Variants in MSS51 observed in about 807,000 individuals in gnomAD.
The protein encoded by MSS51 is MSS51 mitochondrial translational activator.
A neutral mutation model predicts 40.2 loss-of-function variants in MSS51; 32 were observed. The observed-to-expected ratio is 0.80, with a 90% CI of 0.60 to 1.07. The LOEUF is 1.07. Among genes scored for constraint, MSS51 ranks in the 50% least tolerant of loss-of-function variants. The pLI is 0.00. For synonymous variants in MSS51, 178 were observed against 214.2 expected, an observed-to-expected ratio of 0.83 and a Z score of 1.48; for missense variants, 518 against 568.9, an observed-to-expected ratio of 0.91 and a Z score of 0.91.
In MSS51 at chr10:73,425,317, A is replaced by G. The variant is rs2055974442; in HGVS notation, c.1070-126T>C. On this transcript the variant is annotated intron_variant, in intron 5 of 6. Transcript: ENST00000299432. ...ATCCCCAGTCATTATCATCATCATC[A>G]TCATCCACTCTTCAATGAAAAATTC... is the stretch of plus-strand genomic sequence containing the variant. The G allele has an allele frequency of 8.0e-6, 5 of 626,974 alleles. No homozygotes were observed. In the South Asian group the frequency reaches 1.0e-4, roughly 13 times the overall value. 38.8% of individuals were successfully genotyped at this position (626,974 alleles called of 1,614,324 possible).
intron 1 of MSS51, among the ~76,000 whole-genome samples, chr10:73,430,878 CAATGGATA>C (rs1356279506): frequency 6.6e-6 from 1 of 152,086 alleles, no homozygotes; most frequent in Non-Finnish European, 1.5e-5. Flanking sequence ...AAAGGTCCAT[CAATGGATA>C]AATGGATAAA....
Position 73,424,380 on chromosome 10 carries a change from A to C in MSS51, c.*173T>G. The C allele has an allele frequency of 1.7e-6, 1 of 604,240 alleles. No homozygotes were observed. The highest frequency in any genetic ancestry group is 2.9e-6 in the Non-Finnish European group (1 of 341,442). The allele number at this position is 604,240 out of a possible 1,614,324, so 37.4% of individuals were successfully genotyped here. ...CAACAGAGCAAGACTCCATCTCAAA[A>C]AAAGAAAGAAACCAGTTATGTTATA... is the stretch of plus-strand genomic sequence containing the variant. On this transcript the variant is annotated 3_prime_UTR_variant, in exon 7 of 7. Transcript: ENST00000299432.
At position 73,426,216 on chromosome 10, in the gene MSS51, T is replaced by A. The variant is rs1196009707; in HGVS notation, c.664A>T (p.Arg222Trp). Residue 222 changes from arginine (R) to tryptophan (W), a missense_variant, in exon 5 of 7, where the codon AGG (arginine) becomes TGG (tryptophan). By Grantham distance (101) the Arg-to-Trp change is moderately radical (BLOSUM62 -3). Coordinates refer to ENST00000299432, the MANE Select transcript of MSS51 (RefSeq NM_001024593.2). ...CCCTGCAGGACATCCGGGTCTGGCC[T>A]TGGCCGTCCTACACTGGCCCATAAG... Reference protein sequence around the residue: ...TTLWASVGRPRPDPDVLQGSL... With the variant: ...TTLWASVGRPWPDPDVLQGSL... 2 of 1,614,118 alleles carry A rather than the reference T, an allele frequency of 1.2e-6. No homozygotes were observed. The highest frequency in any genetic ancestry group is 2.2e-5 in the South Asian group (2 of 91,086).
At chr10:73,433,341 A>G (rs2056042776) in intron 1 of MSS51, among the ~76,000 whole-genome samples, 172 bp downstream of exon 1, 1 of 152,190 alleles carries the variant, frequency 6.6e-6, no homozygotes, top group African/African-American at 2.4e-5. Context: ...GAAACTGGTC[A>G]TTGGAGATCC....
In MSS51 at chr10:73,426,015, T is replaced by C. The variant is rs373551766; in HGVS notation, c.865A>G (p.Met289Val). The C allele has an allele frequency of 2.0e-5, 32 of 1,613,990 alleles. No homozygotes were observed. The highest frequency in any genetic ancestry group is 5.0e-5 in the Admixed American group (3 of 59,998). ...CGGAGTCCAAGGTGCCCAGGAAACA[T>C]GTAACCAAGCTCATCATAGTCCCCT... ...RPGDYDELGY[M>V]FPGHLGLRVV... is the part of the protein sequence containing the mutation. Residue 289 changes from methionine to valine, a missense_variant, in exon 5 of 7, where the codon ATG (methionine) becomes GTG (valine). By Grantham distance (21) the Met-to-Val change is conservative. Transcript: ENST00000299432.
At chr10:73,425,641 G>A (rs570926233) in intron 5 of MSS51, among the ~76,000 whole-genome samples, 170 bp downstream of exon 5, 8 of 141,904 alleles carry the variant, frequency 5.6e-5, no homozygotes, top group Middle Eastern at 7.7e-3. Flanking sequence ...CAGCCTGGGC[G>A]ACAGAGCGAG....
At chr10:73,425,235 A>G in intron 5 of MSS51, 44 bp from the exon 6 acceptor site, 3 of 1,268,488 alleles carry the variant, frequency 2.4e-6, no homozygotes, top group Admixed American at 4.4e-5. Flanking sequence ...AGACTAAAGC[A>G]GACCCTAAGA....
At chr10:73,426,537 T>C (rs2055989669) in intron 4 of MSS51, 70 bp downstream of exon 4, 1 of 1,608,118 alleles carries the variant, frequency 6.2e-7, no homozygotes, top group Non-Finnish European at 8.5e-7. Context: ...AACAATATGA[T>C]TTTGTATCTT....
In MSS51 at chr10:73,426,225, C is replaced by T. The variant is rs144136465; in HGVS notation, c.655G>A (p.Gly219Arg). The T allele has an allele frequency of 1.2e-6, 2 of 1,613,906 alleles. No individual in the cohort carries two copies. Among genetic ancestry groups the T allele is most frequent in the African/African-American group, 2.7e-5 (2 of 74,932 alleles). ...ACATCCGGGTCTGGCCTTGGCCGTC[C>T]TACACTGGCCCATAAGGTGGTCACA... is the stretch of plus-strand genomic sequence containing the variant. ...HAVTTLWASV[G>R]RPRPDPDVLQ... Residue 219 changes from glycine to arginine, a missense_variant, in exon 5 of 7, where the codon GGA becomes AGA. Coordinates refer to ENST00000299432, the MANE Select transcript of MSS51 (RefSeq NM_001024593.2).
At chr10:73,431,079 G>A (rs956095730) in intron 1 of MSS51, among the ~76,000 whole-genome samples, 3 of 152,154 alleles carry the variant, frequency 2.0e-5, no homozygotes, top group Non-Finnish European at 2.9e-5. Flanking sequence ...TCCAGAATAG[G>A]TAAACCCAGA....
chr10:73,431,032 T>G (rs2056025474), intron 1 of MSS51, among the ~76,000 whole-genome samples: 1 of 152,142 alleles, frequency 6.6e-6, no homozygotes, highest in Non-Finnish European at 1.5e-5. Flanking sequence ...ACACAAAATG[T>G]TGTATACATG....
chr10:73,423,668 G>A lies in MSS51; in HGVS notation c.*885C>T, dbSNP rs2037374516. The A allele has an allele frequency of 6.6e-6, 1 of 152,110 alleles. No individual in the cohort carries two copies. The highest frequency in any genetic ancestry group is 1.5e-5 in the Non-Finnish European group (1 of 68,026). 9.4% of individuals were successfully genotyped at this position (152,110 alleles called of 1,614,324 possible). On this transcript the variant is annotated 3_prime_UTR_variant, in exon 7 of 7. Transcript: ENST00000299432. ...TTCAGGTAAAGTCTGATATAGCTTG[G>A]GATATCTAAAATATAACACCAGGGC... is the stretch of plus-strand genomic sequence containing the variant.
At chr10:73,429,313 T>C (rs908191863) in intron 1 of MSS51, among the ~76,000 whole-genome samples, 6 of 152,326 alleles carry the variant, frequency 3.9e-5, no homozygotes, top group Admixed American at 1.3e-4. Context: ...CCTGTAATGT[T>C]TGACTTTTTT....
At position 73,427,743 on chromosome 10, in the gene MSS51, C is replaced by G. The variant is rs116126145; in HGVS notation, c.247G>C (p.Val83Leu). Residue 83 changes from valine to leucine, a missense_variant, in exon 3 of 7, where the codon GTA (valine) becomes CTA (leucine). Coordinates refer to ENST00000299432, the MANE Select transcript of MSS51 (RefSeq NM_001024593.2). ...YKLVVDGGTP[V>L]SGFGFRCPQE... is the part of the protein sequence containing the mutation. ...GGACATCGAAATCCAAAGCCTGATA[C>G]GGGGGTACCCCCATCTACCACCAAC... 4.5e-4 allele frequency: 733 copies of G among 1,614,110 alleles called. 3 individuals are homozygous for G. In the African/African-American group the frequency reaches 8.2e-3, roughly 18 times the overall value.
chr10:73,427,572 A>C, intron 3 of MSS51, 41 bp downstream of exon 3: 1 of 1,569,512 alleles, frequency 6.4e-7, no homozygotes, highest in Non-Finnish European at 8.7e-7. Context: ...CTAATACAGG[A>C]TCATTTCTGA....
Position 73,426,390 on chromosome 10 carries a change from A to AT in MSS51, c.503-14_503-13insA. On this transcript the variant is annotated splice_polypyrimidine_tract_variant and intron_variant, in intron 4 of 6. Transcript: ENST00000299432. ...AGAACAAAATCACCTGTAGGAAAGA[A>AT]GAAATAAGAAGTAACCTAATGCTTT... The AT allele has an allele frequency of 6.3e-7, 1 of 1,598,566 alleles. No homozygotes were observed. Among genetic ancestry groups the AT allele is most frequent in the Non-Finnish European group, 8.5e-7 (1 of 1,178,336 alleles).
intron 3 of MSS51, among the ~76,000 whole-genome samples, chr10:73,427,018 A>G (rs897251798): frequency 1.3e-5 from 2 of 152,154 alleles, no homozygotes; most frequent in South Asian, 2.1e-4. Context: ...CTGTCCTCTC[A>G]TAACAGGTAT....
intron 5 of MSS51, 55 bp from the exon 6 acceptor site, chr10:73,425,246 G>T: frequency 8.4e-7 from 1 of 1,196,156 alleles, no homozygotes; most frequent in Non-Finnish European, 1.2e-6. Context: ...GACCCTAAGA[G>T]CAAGATATTT....
chr10:73,426,203 T>C lies in MSS51; in HGVS notation c.677A>G (p.Asp226Gly), dbSNP rs1238496459. Residue 226 changes from aspartate (D) to glycine (G), a missense_variant, in exon 5 of 7, where the codon GAT becomes GGT. Physicochemically the swap from Asp to Gly is moderately conservative, Grantham distance 94. Transcript: ENST00000299432. ...ASVGRPRPDP[D>G]VLQGSLKRLL... ...CCGCTTCAAAGATCCCTGCAGGACA[T>C]CCGGGTCTGGCCTTGGCCGTCCTAC... is the stretch of plus-strand genomic sequence containing the variant. 3 of 1,614,036 alleles carry C rather than the reference T, an allele frequency of 1.9e-6. No individual in the cohort carries two copies. Among genetic ancestry groups the C allele is most frequent in the African/African-American group, 1.3e-5 (1 of 74,940 alleles).
Sources: allele counts gnomAD v4.1 joint callset (sites outside exome capture counted in the v4.1 genomes callset), GRCh38; gene constraint gnomAD v4.1.1; transcripts MANE v1.5; gene names NCBI Gene and HGNC (gene_info 2026-07-23, HGNC 2026-07-21).